The following SYDE2 variants were observed in gnomAD, a reference collection of about 807,000 sequenced individuals.
SYDE2 encodes the protein rho GTPase-activating protein SYDE2.
SYDE2 carries 76 observed loss-of-function variants against 91.5 expected under a neutral mutation model. That is an observed-to-expected ratio of 0.83 (90% CI 0.69 to 1.01). SYDE2 has a LOEUF of 1.01. Ranked by LOEUF, SYDE2 falls within the 50% of genes least tolerant of loss-of-function variation. The pLI is 0.00. For synonymous variants in SYDE2, 513 were observed against 506.4 expected (o/e 1.01, Z -0.18); for missense variants, 1,364 against 1,367.7 (o/e 1.00, Z 0.04).
intron 2 of SYDE2, among the ~76,000 whole-genome samples, chr1:85,188,364 A>T (rs1222052928): frequency 6.6e-6 from 1 of 152,158 alleles, no homozygotes; most frequent in African/African-American, 2.4e-5. Flanking sequence ...AAAAACAAAT[A>T]AAAAAACACA....
intron 4 of SYDE2, among the ~76,000 whole-genome samples, chr1:85,172,708 A>G (rs1657546012): frequency 1.3e-5 from 2 of 152,208 alleles, no homozygotes; most frequent in African/African-American, 4.8e-5. Flanking sequence ...GGTCGCAGTA[A>G]GGAAATGAAA....
chr1:85,192,291 C>T lies in SYDE2; in HGVS notation c.746-1539G>A, dbSNP rs1297883605. Among the ~76,000 whole-genome samples the T allele has an allele frequency of 1.1e-3, 163 of 152,080 alleles. 6 individuals carry two copies. The highest frequency in any genetic ancestry group is 2.8e-4 in the Non-Finnish European group (19 of 68,012). ...GGTGTGGTGGCACACACCTGTCATC[C>T]TAGCTACTTTGTAGGCTAAGCTGGG... On this transcript the variant is annotated intron_variant, in intron 1 of 6. Coordinates refer to ENST00000341460, the MANE Select transcript of SYDE2 (RefSeq NM_032184.2).
intron 1 of SYDE2, among the ~76,000 whole-genome samples, chr1:85,199,674 A>T (rs1658733177): frequency 6.6e-6 from 1 of 151,746 alleles, no homozygotes; most frequent in African/African-American, 2.4e-5. Flanking sequence ...GTGAAATACT[A>T]CCTGACTAAA....
chr1:85,186,910 C>A (rs1658163429), intron 2 of SYDE2, among the ~76,000 whole-genome samples: 1 of 152,182 alleles, frequency 6.6e-6, no homozygotes, highest in South Asian at 2.1e-4. Flanking sequence ...ACCATAAAAA[C>A]CCTAGAAGAA....
At position 85,182,491 on chromosome 1, in the gene SYDE2, A is replaced by T; in HGVS notation, c.2151T>A (p.Ala717=). The T allele has an allele frequency of 6.2e-7, 1 of 1,613,806 alleles. No homozygotes were observed. Among genetic ancestry groups the T allele is most frequent in the Non-Finnish European group, 8.5e-7 (1 of 1,179,812 alleles). The change falls in exon 3 of 7, where the codon GCT becomes GCA. Residue 717 remains alanine (A), a synonymous_variant. Coordinates refer to ENST00000341460, the MANE Select transcript of SYDE2 (RefSeq NM_032184.2). ...AAAATGTTGTTCGGCATGTGAGCAA[A>T]GCTGTTCTTGCTTTGTTTACTGAAT... The part of the protein sequence containing the change: ...QVDSVNKART[A]LLTCRTTFLD...
intron 5 of SYDE2, 39 bp downstream of exon 5, chr1:85,169,005 A>T (rs763276688): frequency 6.3e-7 from 1 of 1,576,276 alleles, no homozygotes; most frequent in Admixed American, 1.7e-5. Flanking sequence ...ACAGTTCATT[A>T]ACTGGCTTTC....
chr1:85,190,133 G>C lies in SYDE2; in HGVS notation c.1365C>G (p.Tyr455Ter), dbSNP rs752734334. The change falls in exon 2 of 7, where the codon TAC (tyrosine) becomes TAG (stop). Residue 455 changes from tyrosine to a stop codon, truncating the protein, a stop_gained. Coordinates refer to ENST00000341460, the MANE Select transcript of SYDE2 (RefSeq NM_032184.2). LOFTEE classifies it high-confidence loss of function. ...GTGTCTTGTGTCCTAGCTTTTGCTT[G>C]TACTGCTGCACAAATTCTGTGGAAT... ...PAHSTEFVQQ[Y>*]KQKLGHKTQE... 6.2e-7 allele frequency: 1 copy of C among 1,613,942 alleles called. No homozygotes were observed. The highest frequency in any genetic ancestry group is 8.5e-7 in the Non-Finnish European group (1 of 1,179,892).
In SYDE2 at chr1:85,162,891, G is replaced by T. The variant is rs1290965031; in HGVS notation, c.3085+1635C>A. On this transcript the variant is annotated intron_variant, in intron 6 of 6. Transcript: ENST00000341460. ...ATTCTTGGTGTTTATTAGAATTAAA[G>T]CTGTTCTAGAAAAAGGAGACACAGT... is the stretch of plus-strand genomic sequence containing the variant. Among the ~76,000 whole-genome samples the T allele has an allele frequency of 2.0e-5, 3 of 152,084 alleles. No homozygotes were observed. In the East Asian group the frequency reaches 5.8e-4, roughly 29 times the overall value.
chr1:85,198,897 TAAAG>T (rs1259207320), intron 1 of SYDE2, among the ~76,000 whole-genome samples: 1 of 152,200 alleles, frequency 6.6e-6, no homozygotes, highest in East Asian at 1.9e-4. Context: ...GAACTTAGTA[TAAAG>T]TACACCTCTC....
intron 3 of SYDE2, 117 bp downstream of exon 3, chr1:85,181,976 AAGAAT>A: frequency 9.3e-7 from 1 of 1,080,794 alleles, no homozygotes; most frequent in South Asian, 1.9e-5. Context: ...AATAAAAATA[AAGAAT>A]AGGAATGGTA....
chr1:85,200,047 AAAAG>A, intron 1 of SYDE2: 1 of 735,412 alleles, frequency 1.4e-6, no homozygotes, highest in Non-Finnish European at 1.7e-6. Context: ...TGTCTGATTA[AAAAG>A]AAAAAAAAAA....
At chr1:85,163,464 T>C (rs1262391513) in intron 6 of SYDE2, among the ~76,000 whole-genome samples, 4 of 141,156 alleles carry the variant, frequency 2.8e-5, no homozygotes, top group Non-Finnish European at 6.2e-5. Context: ...TATATATATA[T>C]ATATATATAT....
chr1:85,163,445 C>CTATA (rs55977750), intron 6 of SYDE2, among the ~76,000 whole-genome samples: 11,799 of 87,064 alleles, frequency 0.14, 1,007 homozygotes, highest in East Asian at 0.18. Flanking sequence ...GTACTTTAAT[C>CTATA]TATATATATA....
At chr1:85,200,159 A>G in intron 1 of SYDE2, 93 bp downstream of exon 1, 1 of 1,581,262 alleles carries the variant, frequency 6.3e-7, no homozygotes, top group Non-Finnish European at 8.6e-7. Context: ...ACCTGTCGCA[A>G]AAACATAACT....
intron 3 of SYDE2, among the ~76,000 whole-genome samples, chr1:85,179,814 T>C (rs1657843207): frequency 6.7e-6 from 1 of 149,982 alleles, no homozygotes; most frequent in African/African-American, 2.4e-5. Flanking sequence ...ATACAAACGA[T>C]GTATCCCCTT....
chr1:85,181,173 A>C (rs1657906109), intron 3 of SYDE2: 1 of 110,882 alleles, frequency 9.0e-6, no homozygotes, highest in African/African-American at 3.5e-5. Flanking sequence ...TTTTTTTGCA[A>C]CGGAGTCTCA....
chr1:85,188,013 ATAAT>A (rs1214868269), intron 2 of SYDE2, among the ~76,000 whole-genome samples: 2 of 152,204 alleles, frequency 1.3e-5, no homozygotes, highest in African/African-American at 4.8e-5. Context: ...AAGTATAATA[ATAAT>A]TAAATTAAAT....
chr1:85,200,218 G>C, intron 1 of SYDE2, 34 bp downstream of exon 1: 1 of 1,613,226 alleles, frequency 6.2e-7, no homozygotes, highest in Non-Finnish European at 8.5e-7. Flanking sequence ...AGTAAGGCTC[G>C]CGGTGCTAGC....
chr1:85,190,451 T>C lies in SYDE2; in HGVS notation c.1047A>G (p.Ser349=). ...TYVVCNATNS[S]LSKNCALDFN... The stretch of plus-strand genomic sequence containing the variant: ...AATCTAAAGCACAGTTTTTCGATAA[T>C]GAAGAGTTTGTAGCGTTACATACCA... Residue 349 remains serine, a synonymous_variant, in exon 2 of 7, where the codon TCA becomes TCG. Transcript: ENST00000341460. 3 of 1,613,978 alleles carry C rather than the reference T, an allele frequency of 1.9e-6. No individual in the cohort carries two copies. Among genetic ancestry groups the C allele is most frequent in the Non-Finnish European group, 2.5e-6 (3 of 1,179,854 alleles).
Sources: gnomAD v4.1 joint callset for allele counts (sites outside exome capture counted in the v4.1 genomes callset) on GRCh38, gnomAD v4.1.1 for gene constraint, MANE v1.5 for transcripts, NCBI Gene and HGNC (gene_info 2026-07-23, HGNC 2026-07-21) for gene names.